CDH12: variants seen among roughly 807,000 people sequenced by gnomAD.
CDH12 encodes cadherin-12.
CDH12 carries 41 observed loss-of-function variants against 74.1 expected under a neutral mutation model. The ratio of observed to expected loss-of-function variants is 0.55; its 90% confidence interval spans 0.43 to 0.72. CDH12 has a LOEUF of 0.72. CDH12 is among the 30% of genes least tolerant of loss of function. The pLI is 0.00. For synonymous variants in CDH12, 399 were observed against 355.0 expected, an observed-to-expected ratio of 1.12 and a Z score of -1.39; for missense variants, 945 against 977.2, an observed-to-expected ratio of 0.97 and a Z score of 0.44.
At chr5:22,349,098 G>T (rs1357686812) in intron 3 of CDH12, among the ~76,000 whole-genome samples, 1 of 152,152 alleles carries the variant, frequency 6.6e-6, no homozygotes, top group Non-Finnish European at 1.5e-5. Context: ...ACCATATGAG[G>T]TCACCATGTG....
At chr5:22,698,727 ATATATATAGTGTGT>A (rs1561586071) in intron 1 of CDH12, among the ~76,000 whole-genome samples, 604 of 9,116 alleles carry the variant, frequency 0.066, 94 homozygotes, top group Admixed American at 0.097. Flanking sequence ...ATATATATAT[ATATATATAGTGTGT>A]GTGTGTGTGT....
Position 21,867,763 on chromosome 5 carries a change from C to T in CDH12, c.527-12973G>A, listed in dbSNP as rs750755480. The stretch of plus-strand genomic sequence containing the variant: ...CTCAGATGATACTTTGGACTGTGGA[C>T]TTTTGAGTTAATGCTGAAAGGAGTT... On this transcript the variant is annotated intron_variant, in intron 6 of 14. Coordinates refer to ENST00000382254, the MANE Select transcript of CDH12 (RefSeq NM_004061.5). Among the ~76,000 whole-genome samples, 108 of 152,280 alleles carry T rather than the reference C, an allele frequency of 7.1e-4. 2 individuals are homozygous for T. Among genetic ancestry groups the T allele is most frequent in the Non-Finnish European group, 1.4e-3 (98 of 68,016 alleles).
chr5:22,314,935 G>T (rs1738549734), intron 3 of CDH12, among the ~76,000 whole-genome samples: 1 of 127,898 alleles, frequency 7.8e-6, no homozygotes, highest in Non-Finnish European at 1.6e-5. Context: ...AGGTCCCTGG[G>T]TTGGTCTTTT....
intron 3 of CDH12, among the ~76,000 whole-genome samples, chr5:22,313,586 A>G (rs1738479506): frequency 6.6e-6 from 1 of 152,174 alleles, no homozygotes; most frequent in Non-Finnish European, 1.5e-5. Context: ...TTTATTTTAA[A>G]ATGATTAATC....
At chr5:22,237,388 A>G (rs956998748) in intron 3 of CDH12, among the ~76,000 whole-genome samples, 3 of 152,136 alleles carry the variant, frequency 2.0e-5, no homozygotes, top group Non-Finnish European at 2.9e-5. Flanking sequence ...CCAAATTCAT[A>G]CGTTAAAATC....
intron 2 of CDH12, among the ~76,000 whole-genome samples, chr5:22,469,234 G>A (rs1745859807): frequency 6.6e-6 from 1 of 152,188 alleles, no homozygotes; most frequent in South Asian, 2.1e-4. Context: ...AATGGTTCTT[G>A]TTTATGTTTG....
intron 1 of CDH12, among the ~76,000 whole-genome samples, chr5:22,830,280 G>T (rs1168703502): frequency 1.3e-5 from 2 of 151,866 alleles, no homozygotes; most frequent in Admixed American, 1.3e-4. Flanking sequence ...TTTCTAATAG[G>T]TATATGAAAA....
chr5:22,326,251 T>C (rs1739094037), intron 3 of CDH12, among the ~76,000 whole-genome samples: 1 of 152,000 alleles, frequency 6.6e-6, no homozygotes, highest in African/African-American at 2.4e-5. Context: ...CTTTCTTTTT[T>C]TGAGACGGAT....
chr5:22,723,318 C>T (rs1743995533), intron 1 of CDH12, among the ~76,000 whole-genome samples: 1 of 152,102 alleles, frequency 6.6e-6, no homozygotes, highest in Non-Finnish European at 1.5e-5. Context: ...ATACGTTTTA[C>T]TTTGTATGAA....
At chr5:21,956,418 C>T (rs536229812) in intron 6 of CDH12, among the ~76,000 whole-genome samples, 120 of 152,094 alleles carry the variant, frequency 7.9e-4, no homozygotes, top group Middle Eastern at 6.9e-3. Context: ...GTTCTCATAT[C>T]CAGTAATGTA....
At chr5:22,135,924 G>A (rs941275579) in intron 4 of CDH12, among the ~76,000 whole-genome samples, 2 of 151,754 alleles carry the variant, frequency 1.3e-5, no homozygotes, top group African/African-American at 4.8e-5. Context: ...CTGCCCTCTT[G>A]ACTCTGTTTT....
At chr5:21,765,584 A>G (rs1018457947) in intron 11 of CDH12, among the ~76,000 whole-genome samples, 7 of 152,118 alleles carry the variant, frequency 4.6e-5, no homozygotes, top group South Asian at 2.1e-4. Flanking sequence ...TATAAATGAA[A>G]AGTATTAAAA....
chr5:22,255,303 C>G (rs1023332827), intron 3 of CDH12, among the ~76,000 whole-genome samples: 1 of 151,368 alleles, frequency 6.6e-6, no homozygotes, highest in Non-Finnish European at 1.5e-5. Context: ...TATTTTTCAC[C>G]ATAAGGCTCA....
rs554321143 is a variant in CDH12 at position 21,984,785 on chromosome 5, A to T, written c.232-9400T>A. On this transcript the variant is annotated intron_variant, in intron 5 of 14. Coordinates refer to ENST00000382254, the MANE Select transcript of CDH12 (RefSeq NM_004061.5). ...AAATAGAAGTAATTATATGATGAAA[A>T]TCTATATTCTCAAAATCTAGATTAA... Among the ~76,000 whole-genome samples, 30 of 152,302 alleles carry T rather than the reference A, an allele frequency of 2.0e-4. No homozygotes were observed. In the South Asian group the frequency reaches 5.2e-3, roughly 26 times the overall value.
chr5:22,050,377 A>C (rs1396466715), intron 5 of CDH12, among the ~76,000 whole-genome samples: 5 of 152,096 alleles, frequency 3.3e-5, no homozygotes, highest in East Asian at 1.9e-4. Context: ...ATGCATATAT[A>C]ATTTCAAATA....
intron 2 of CDH12, among the ~76,000 whole-genome samples, chr5:22,429,094 C>CTTTTATTTTATTTTA (rs1467463459): frequency 6.7e-6 from 1 of 149,658 alleles, no homozygotes; most frequent in African/African-American, 2.5e-5. Context: ...TAATATCCCA[C>CTTTTATTTTATTTTA]TTTTATTCTA....
intron 1 of CDH12, among the ~76,000 whole-genome samples, chr5:22,807,332 T>C (rs1484447915): frequency 1.3e-5 from 2 of 152,196 alleles, no homozygotes; most frequent in African/African-American, 4.8e-5. Flanking sequence ...CAGTTTCTTT[T>C]GAATGCATCC....
chr5:22,191,183 C>A (rs915329908), intron 4 of CDH12, among the ~76,000 whole-genome samples: 4 of 151,962 alleles, frequency 2.6e-5, no homozygotes, highest in African/African-American at 9.7e-5. Flanking sequence ...AGTCTTTCTT[C>A]CCTCTTCATC....
rs538132970 is a variant in CDH12 at position 22,148,701 on chromosome 5, G to A, written c.-187+63797C>T. Among the ~76,000 whole-genome samples, 76 of 152,228 alleles carry A rather than the reference G, an allele frequency of 5.0e-4. 1 individual carries two copies. The highest frequency in any genetic ancestry group is 9.8e-4 in the Admixed American group (15 of 15,288). On this transcript the variant is annotated intron_variant, in intron 4 of 14. Coordinates refer to ENST00000382254, the MANE Select transcript of CDH12 (RefSeq NM_004061.5). ...TTCTGGTGGTTCTTGTCACTCCGTG[G>A]CATTCCTTGATTTCTTGATTAGTTG...
Sources: allele counts gnomAD v4.1 joint callset (sites outside exome capture counted in the v4.1 genomes callset), GRCh38; gene constraint gnomAD v4.1.1; transcripts MANE v1.5; gene names NCBI Gene and HGNC (gene_info 2026-07-23, HGNC 2026-07-21).